The following SHROOM2 variants were observed in gnomAD, a reference collection of about 807,000 sequenced individuals.
SHROOM2 encodes the protein protein Shroom2.
In SHROOM2, 33 loss-of-function variants were observed where a neutral mutation model predicts 75.9. The ratio of observed to expected loss-of-function variants is 0.43; its 90% CI spans 0.33 to 0.58. The LOEUF (loss-of-function observed/expected upper bound fraction) is 0.58, where lower values mean the gene tolerates loss of function less well. SHROOM2 is among the 20% of genes least tolerant of loss of function. The pLI, the probability that SHROOM2 is intolerant of heterozygous loss-of-function variation, is 0.04. For missense variants in SHROOM2, 1,434 were observed against 1,461.2 expected (o/e 0.98, Z 0.30); for synonymous variants, 655 against 663.6 (o/e 0.99, Z 0.20).
chrX:9,915,912 T>C (rs5979208), intron 5 of SHROOM2, among the ~76,000 whole-genome samples: 5,923 of 111,726 alleles, frequency 0.053, 298 homozygotes, highest in African/African-American at 0.15. Flanking sequence ...AGATTTTCTC[T>C]TAATTTATGA....
Position 9,937,192 on chromosome X carries a change from C to T in SHROOM2, c.3646C>T (p.His1216Tyr). Residue 1216 changes from histidine to tyrosine, a missense_variant, in exon 7 of 10, where the codon CAC (histidine) becomes TAC (tyrosine). Around this residue, in one of 3 missense-constraint regions of SHROOM2, gnomAD observed 1,340 missense variants for 1,338.3 expected, o/e 1.00. Coordinates refer to ENST00000380913, the MANE Select transcript of SHROOM2 (RefSeq NM_001649.4). ...GAAGATGGTGCCCATCAAGATCGTG[C>T]ACTCGGAGAGCCAGCCAGAGAAGGA... Reference protein sequence around the residue: ...TVKMVPIKIVHSESQPEKESR... With the variant: ...TVKMVPIKIVYSESQPEKESR... 1 of 1,204,221 alleles carries T rather than the reference C, an allele frequency of 8.3e-7. No homozygotes were observed.
intron 5 of SHROOM2, among the ~76,000 whole-genome samples, chrX:9,914,214 G>A (rs1317243157): frequency 7.4e-5 from 8 of 108,385 alleles, no homozygotes; most frequent in Non-Finnish European, 1.9e-5. Flanking sequence ...AACCATACAC[G>A]TTGGTGTCAA....
At chrX:9,802,014 T>G (rs887382602) in intron 1 of SHROOM2, among the ~76,000 whole-genome samples, 14 of 111,684 alleles carry the variant, frequency 1.3e-4, no homozygotes, top group African/African-American at 4.5e-4. Context: ...TCCTTTTTAC[T>G]CTTTGAAATG....
Position 9,875,110 on chromosome X carries a change from A to AAAAAAAAG in SHROOM2, c.317+1307_317+1308insAAAAAAAG, listed in dbSNP as rs2084192753. On this transcript the variant is annotated intron_variant, in intron 2 of 9. Transcript: ENST00000380913. ...AAAAAAAAAAAAAAAAAAAAAAAAA[A>AAAAAAAAG]GGGGAGGAAGGAAAAACATTTTTTG... is the stretch of plus-strand genomic sequence containing the variant. Among the ~76,000 whole-genome samples the AAAAAAAAG allele has an allele frequency of 1.3e-4, 12 of 93,116 alleles. 1 individual carries two copies. The highest frequency in any genetic ancestry group is 4.5e-4 in the African/African-American group (11 of 24,467). The allele number at this position is 93,116 out of a possible 115,157, so 80.9% of individuals were successfully genotyped here.
intron 1 of SHROOM2, among the ~76,000 whole-genome samples, chrX:9,803,765 G>C (rs762757151): frequency 9.0e-6 from 1 of 111,414 alleles, no homozygotes; most frequent in South Asian, 3.8e-4. Flanking sequence ...GACCACCTCC[G>C]GACACAGAAG....
At chrX:9,925,815 C>T (rs1488424764) in intron 5 of SHROOM2, among the ~76,000 whole-genome samples, 1 of 112,532 alleles carries the variant, frequency 8.9e-6, no homozygotes, top group Non-Finnish European at 1.9e-5. Context: ...TCATTATCCA[C>T]GGGAAGTGTG....
intron 1 of SHROOM2, among the ~76,000 whole-genome samples, chrX:9,872,658 G>A (rs1777365054): frequency 8.9e-6 from 1 of 112,290 alleles, no homozygotes; most frequent in African/African-American, 3.2e-5. Context: ...ACTGTGTTTA[G>A]CACTGAGTAG....
intron 5 of SHROOM2, among the ~76,000 whole-genome samples, chrX:9,921,163 G>C (rs1200752822): frequency 9.0e-6 from 1 of 111,404 alleles, no homozygotes; most frequent in Non-Finnish European, 1.9e-5. Context: ...CTGCTTGAGT[G>C]TCCTCACAAC....
intron 1 of SHROOM2, among the ~76,000 whole-genome samples, chrX:9,825,234 A>G (rs2083881622): frequency 1.8e-5 from 2 of 112,481 alleles, no homozygotes; most frequent in Non-Finnish European, 3.8e-5. Context: ...TTCTTGGACA[A>G]AAATGAAAGG....
intron 2 of SHROOM2, chrX:9,874,653 A>C (rs1166690014): frequency 9.0e-6 from 1 of 111,526 alleles, no homozygotes. Flanking sequence ...AGAAATCTGT[A>C]ACTGGTTGTG....
chrX:9,863,738 C>T (rs773055728), intron 1 of SHROOM2, among the ~76,000 whole-genome samples: 1 of 110,125 alleles, frequency 9.1e-6, no homozygotes, highest in South Asian at 4.0e-4. Context: ...CAGGTGATCC[C>T]GCCATAGCCT....
chrX:9,846,289 C>A (rs934989929), intron 1 of SHROOM2, among the ~76,000 whole-genome samples: 1 of 106,359 alleles, frequency 9.4e-6, no homozygotes, highest in Non-Finnish European at 2.0e-5. Context: ...ACAGCTAATT[C>A]TTTTATTTAT....
chrX:9,875,189 C>G (rs2084193850), intron 2 of SHROOM2, among the ~76,000 whole-genome samples: 1 of 105,933 alleles, frequency 9.4e-6, no homozygotes, highest in South Asian at 4.4e-4. Context: ...TCCTGAGCAC[C>G]CTTTTAACAA....
rs138480106 is a variant in SHROOM2, at chrX:9,942,646, G to T, written c.4312-1995G>T. 5.8e-4 allele frequency among the ~76,000 whole-genome samples: 62 copies of T among 106,073 alleles called. 1 individual carries two copies. In the East Asian group the frequency reaches 0.019, roughly 32 times the overall value. The allele number at this position is 106,073 out of a possible 115,157, so 92.1% of individuals were successfully genotyped here. ...TAGGGCGAGGCATGGGGAAAGGGGT[G>T]CGGAAGAGCTTCCATGCCCTCCCTG... On this transcript the variant is annotated intron_variant, in intron 8 of 9. Coordinates refer to ENST00000380913, the MANE Select transcript of SHROOM2 (RefSeq NM_001649.4).
Position 9,786,494 on chromosome X carries a change from G to C in SHROOM2, c.-52G>C. ...GAGCCTCCCTTGCGATCCCACGGCC[G>C]GGACTGCCCGGAGTGCATGGGCGCG... On this transcript the variant is annotated 5_prime_UTR_variant, in exon 1 of 10. Transcript: ENST00000380913. The C allele has an allele frequency of 2.4e-6, 2 of 829,189 alleles. No homozygotes were observed. The highest frequency in any genetic ancestry group is 2.9e-6 in the Non-Finnish European group (2 of 681,384). 68.3% of individuals were successfully genotyped at this position (829,189 alleles called of 1,213,427 possible).
intron 1 of SHROOM2, among the ~76,000 whole-genome samples, chrX:9,856,596 G>A (rs946526436): frequency 1.8e-5 from 2 of 111,631 alleles, no homozygotes; most frequent in African/African-American, 3.3e-5. Context: ...TCTGGGAAGA[G>A]TTGTTCCATT....
Position 9,932,252 on chromosome X carries a change from C to G in SHROOM2, c.2969C>G (p.Pro990Arg), listed in dbSNP as rs757290738. The G allele has an allele frequency of 9.3e-6, 11 of 1,183,718 alleles. No individual in the cohort carries two copies. The Admixed American group carries it at 2.6e-4, about 28-fold the overall frequency. ...CCGAGTCAGAAGGCACCGAACCCAC[C>G]CACATTCTCTGAACTATCTCACTGC... ...HPPSQKAPNP[P>R]TFSELSHCRG... Residue 990 changes from proline (P) to arginine (R), a missense_variant, in exon 6 of 10, where the codon CCC becomes CGC. Transcript: ENST00000380913.
chrX:9,936,356 CCCGCCTCGGCCTTCCA>C (rs1407508202), intron 6 of SHROOM2, among the ~76,000 whole-genome samples: 1 of 111,030 alleles, frequency 9.0e-6, no homozygotes, highest in East Asian at 2.8e-4. Context: ...AAGTGATCCA[CCCGCCTCGGCCTTCCA>C]AAGTGCTGGG....
At chrX:9,922,643 T>G (rs1338658537) in intron 5 of SHROOM2, among the ~76,000 whole-genome samples, 1 of 111,551 alleles carries the variant, frequency 9.0e-6, no homozygotes, top group Non-Finnish European at 1.9e-5. Context: ...ACAGCACCAC[T>G]GGTTGATCCA....
Sources: allele counts gnomAD v4.1 joint callset (sites outside exome capture counted in the v4.1 genomes callset), GRCh38; gene constraint gnomAD v4.1.1; regional missense constraint gnomAD v4.1.1; transcripts MANE v1.5; gene names NCBI Gene and HGNC (gene_info 2026-07-23, HGNC 2026-07-21).